The following NSMCE2 variants were observed in gnomAD, a reference collection of about 807,000 sequenced individuals.
NSMCE2 encodes the protein NSE2 SUMO ligase component of SMC5/6 complex.
In NSMCE2, 24 loss-of-function variants were observed where a neutral mutation model predicts 23.8. The observed-to-expected ratio is 1.01, with a 90% CI of 0.73 to 1.42. The LOEUF is 1.42. Ranked by LOEUF, NSMCE2 falls within the 40% of genes most tolerant of loss-of-function variation. The probability of loss-of-function intolerance (pLI) is 0.00; values close to 1 mark genes in which losing one functional copy is unlikely to be tolerated. For synonymous variants in NSMCE2, 92 were observed against 94.1 expected (o/e 0.98, Z 0.13); for missense variants, 284 against 296.5 (o/e 0.96, Z 0.31).
chr8:125,153,792 T>A (rs1470046482), intron 4 of NSMCE2, among the ~76,000 whole-genome samples: 3 of 152,202 alleles, frequency 2.0e-5, no homozygotes, highest in Non-Finnish European at 2.9e-5. Context: ...TTCATCAAAT[T>A]TGATGGGGCT....
intron 4 of NSMCE2, among the ~76,000 whole-genome samples, chr8:125,175,243 G>A (rs997039011): frequency 6.6e-6 from 1 of 152,092 alleles, no homozygotes; most frequent in Non-Finnish European, 1.5e-5. Context: ...AAATGTCTTG[G>A]TGCTTAGCAT....
intron 5 of NSMCE2, among the ~76,000 whole-genome samples, chr8:125,328,568 GT>G (rs1328620073): frequency 6.6e-6 from 1 of 152,180 alleles, no homozygotes; most frequent in East Asian, 1.9e-4. Context: ...AGGATGAGTA[GT>G]TCTCTCATGA....
At chr8:125,320,247 GGGAGGGAAGGAA>G (rs1228972519) in intron 5 of NSMCE2, among the ~76,000 whole-genome samples, 33 of 44,656 alleles carry the variant, frequency 7.4e-4, no homozygotes, top group African/African-American at 1.8e-3. Context: ...GAGGGAGGGA[GGGAGGGAAGGAA>G]GGAAGGAAGG....
intron 5 of NSMCE2, among the ~76,000 whole-genome samples, chr8:125,198,107 T>C (rs1003063640): frequency 3.3e-5 from 5 of 152,228 alleles, no homozygotes; most frequent in African/African-American, 9.6e-5. Context: ...TGGGGTTTTC[T>C]AACTATACAA....
intron 3 of NSMCE2, among the ~76,000 whole-genome samples, chr8:125,115,893 G>A (rs1818983880): frequency 6.6e-6 from 1 of 152,190 alleles, no homozygotes; most frequent in African/African-American, 2.4e-5. Flanking sequence ...AAATAAAGGT[G>A]TATGTTGTGG....
chr8:125,120,135 T>G (rs1407246670), intron 3 of NSMCE2, among the ~76,000 whole-genome samples: 2 of 152,224 alleles, frequency 1.3e-5, no homozygotes, highest in Non-Finnish European at 2.9e-5. Context: ...AATCTTACAG[T>G]ACATGTCAAC....
intron 5 of NSMCE2, among the ~76,000 whole-genome samples, chr8:125,259,612 G>C (rs1418258789): frequency 6.6e-6 from 1 of 152,164 alleles, no homozygotes; most frequent in Non-Finnish European, 1.5e-5. Flanking sequence ...TAGCGTACTT[G>C]CTTGAGTTAT....
At chr8:125,346,357 G>A (rs1830436128) in intron 5 of NSMCE2, among the ~76,000 whole-genome samples, 1 of 152,212 alleles carries the variant, frequency 6.6e-6, no homozygotes, top group Admixed American at 6.5e-5. Flanking sequence ...AGAATGGACA[G>A]GCTATACGAA....
At chr8:125,329,388 A>C (rs1176980942) in intron 5 of NSMCE2, among the ~76,000 whole-genome samples, 1 of 152,230 alleles carries the variant, frequency 6.6e-6, no homozygotes, top group Non-Finnish European at 1.5e-5. Flanking sequence ...GAGCTGTCAC[A>C]AAACCTGGAG....
chr8:125,362,924 G>A (rs1393469530), intron 7 of NSMCE2: 1 of 152,222 alleles, frequency 6.6e-6, no homozygotes. Context: ...CTAAAACCAT[G>A]ATGTCATCAG....
At chr8:125,298,537 G>A (rs1253189430) in intron 5 of NSMCE2, among the ~76,000 whole-genome samples, 1 of 152,158 alleles carries the variant, frequency 6.6e-6, no homozygotes, top group Non-Finnish European at 1.5e-5. Flanking sequence ...CGCCTCATTA[G>A]CAGGATAATG....
rs572697946 is a variant in NSMCE2 at position 125,211,130 on chromosome 8, G to A, written c.418+28874G>A. ...TTCTGTTCTATTATACATTTTATATGTGTATGTATAATAACATTATTATAT... is the reference window on the plus strand; with the variant it reads ...TTCTGTTCTATTATACATTTTATATATGTATGTATAATAACATTATTATAT... On this transcript the variant is annotated intron_variant, in intron 5 of 7. Transcript: ENST00000287437. 2.6e-5 allele frequency among the ~76,000 whole-genome samples: 4 copies of A among 152,232 alleles called. No individual in the cohort carries two copies. In the South Asian group the frequency reaches 8.3e-4, roughly 32 times the overall value.
chr8:125,166,725 C>G (rs2130748257), intron 4 of NSMCE2, among the ~76,000 whole-genome samples: 1 of 152,316 alleles, frequency 6.6e-6, no homozygotes, highest in African/African-American at 2.4e-5. Context: ...CTGCTACCAT[C>G]TAGTTGGGGT....
At chr8:125,252,065 A>G (rs1826218407) in intron 5 of NSMCE2, among the ~76,000 whole-genome samples, 3 of 152,170 alleles carry the variant, frequency 2.0e-5, no homozygotes, top group African/African-American at 7.2e-5. Context: ...TCATCTGGAG[A>G]TGGTTGAATC....
At chr8:125,363,249 TCCCAGCAC>T (rs1813634561) in intron 7 of NSMCE2, 1 of 152,256 alleles carries the variant, frequency 6.6e-6, no homozygotes, top group Non-Finnish European at 1.5e-5. Context: ...ATGCCTGTAA[TCCCAGCAC>T]TTTGGGAGGC....
At chr8:125,337,695 G>C (rs908038434) in intron 5 of NSMCE2, among the ~76,000 whole-genome samples, 1 of 151,976 alleles carries the variant, frequency 6.6e-6, no homozygotes, top group Admixed American at 6.6e-5. Flanking sequence ...GGGAGTTTGA[G>C]ACCAGCCTGA....
At chr8:125,297,999 G>A (rs952668652) in intron 5 of NSMCE2, among the ~76,000 whole-genome samples, 2 of 152,190 alleles carry the variant, frequency 1.3e-5, no homozygotes, top group Non-Finnish European at 2.9e-5. Flanking sequence ...GTGGTGCAAT[G>A]CCTGTAATCC....
At chr8:125,175,825 TATC>T (rs1382340023) in intron 4 of NSMCE2, among the ~76,000 whole-genome samples, 18 of 152,338 alleles carry the variant, frequency 1.2e-4, no homozygotes, top group East Asian at 7.7e-4. Context: ...TGAGTTATAT[TATC>T]ATCATATAAA....
In NSMCE2 at chr8:125,231,689, C is replaced by A. The variant is rs781399996; in HGVS notation, c.418+49433C>A. Reference sequence around the variant, plus strand: ...TGAAATTTTTTTTCACTTAAACATACAGTTGTATATACTGGGTTATGATAA... The same window carrying A: ...TGAAATTTTTTTTCACTTAAACATAAAGTTGTATATACTGGGTTATGATAA... On this transcript the variant is annotated intron_variant, in intron 5 of 7. Transcript: ENST00000287437. Among the ~76,000 whole-genome samples, 61 of 152,186 alleles carry A rather than the reference C, an allele frequency of 4.0e-4. No individual in the cohort carries two copies. In the Middle Eastern group the frequency reaches 0.014, roughly 34 times the overall value.
Sources: gnomAD v4.1 joint callset for allele counts (sites outside exome capture counted in the v4.1 genomes callset) on GRCh38, gnomAD v4.1.1 for gene constraint, MANE v1.5 for transcripts, NCBI Gene and HGNC (gene_info 2026-07-23, HGNC 2026-07-21) for gene names.